The following NPAS3 variants were observed in gnomAD, a reference collection of about 807,000 sequenced individuals.
NPAS3 encodes the protein neuronal PAS domain-containing protein 3.
In NPAS3, 14 loss-of-function variants were observed where a neutral mutation model predicts 73.1. The observed-to-expected ratio is 0.19, with a 90% CI of 0.13 to 0.30. The LOEUF (loss-of-function observed/expected upper bound fraction) is 0.30, where lower values mean the gene tolerates loss of function less well. Among genes scored for constraint, NPAS3 ranks in the 10% least tolerant of loss-of-function variants. NPAS3 has a pLI of 1.00. For missense variants in NPAS3, 1,096 were observed against 1,250.0 expected (o/e 0.88, Z 1.86); for synonymous variants, 620 against 541.5 (o/e 1.14, Z -2.01).
intron 3 of NPAS3, among the ~76,000 whole-genome samples, chr14:33,358,249 G>T (rs1014510695): frequency 5.3e-5 from 8 of 152,162 alleles, no homozygotes; most frequent in Admixed American, 2.0e-4. Context: ...GGTGGAGGGG[G>T]AGAGAGAATT....
At chr14:33,743,096 C>T (rs1315408221) in intron 7 of NPAS3, among the ~76,000 whole-genome samples, 3 of 151,940 alleles carry the variant, frequency 2.0e-5, no homozygotes, top group African/African-American at 7.3e-5. Context: ...TTCATGTGAC[C>T]TCTTCCCATG....
chr14:33,159,897 AG>A (rs1321495401), intron 2 of NPAS3, among the ~76,000 whole-genome samples: 2 of 152,218 alleles, frequency 1.3e-5, no homozygotes, highest in African/African-American at 4.8e-5. Context: ...AACACCCGTA[AG>A]AAAAATTTTT....
chr14:33,244,604 C>T (rs1191492196), intron 3 of NPAS3, among the ~76,000 whole-genome samples: 1 of 151,898 alleles, frequency 6.6e-6, no homozygotes, highest in Non-Finnish European at 1.5e-5. Flanking sequence ...ATATTATTTT[C>T]ATTTTACAGA....
intron 1 of NPAS3, among the ~76,000 whole-genome samples, chr14:32,995,999 G>A (rs1462650921): frequency 6.6e-6 from 1 of 152,170 alleles, no homozygotes; most frequent in South Asian, 2.1e-4. Context: ...ACTTCCTAGA[G>A]ACTTGTTAAA....
intron 1 of NPAS3, among the ~76,000 whole-genome samples, chr14:32,942,087 C>A (rs559735173): frequency 3.1e-4 from 47 of 152,220 alleles, no homozygotes; most frequent in African/African-American, 1.1e-3. Context: ...CAAGTATTTC[C>A]TTGTAGCAGT....
intron 3 of NPAS3, among the ~76,000 whole-genome samples, chr14:33,334,812 A>G (rs1346016433): frequency 6.6e-6 from 1 of 152,086 alleles, no homozygotes; most frequent in Non-Finnish European, 1.5e-5. Context: ...AAAGTGTAGT[A>G]TTTTATCCCT....
chr14:33,089,151 A>G (rs1566548463), intron 2 of NPAS3, among the ~76,000 whole-genome samples: 1 of 152,372 alleles, frequency 6.6e-6, no homozygotes, highest in East Asian at 1.9e-4. Context: ...TGGACGGAGA[A>G]TATCTTTGAC....
At chr14:33,676,245 T>C in exon 6 of NPAS3, 1 of 1,613,980 alleles carries the variant, frequency 6.2e-7, no homozygotes, top group Non-Finnish European at 8.5e-7. Flanking sequence ...TTTGACTATG[T>C]CCACCCCGGA....
chr14:33,293,301 T>C (rs968717735), intron 3 of NPAS3, among the ~76,000 whole-genome samples: 2 of 152,182 alleles, frequency 1.3e-5, no homozygotes, highest in Non-Finnish European at 2.9e-5. Flanking sequence ...ACTTAATTTA[T>C]AAGCAGAAAA....
At chr14:33,688,609 C>T (rs907197190) in intron 6 of NPAS3, among the ~76,000 whole-genome samples, 18 of 152,108 alleles carry the variant, frequency 1.2e-4, no homozygotes, top group Non-Finnish European at 2.4e-4. Context: ...CTCATCAGAC[C>T]TCAGGGTGTA....
chr14:33,544,075 GA>G (rs1315020293), intron 4 of NPAS3, among the ~76,000 whole-genome samples: 2 of 148,640 alleles, frequency 1.3e-5, no homozygotes. Flanking sequence ...GTCTGGCACA[GA>G]GACCACCTCC....
intron 7 of NPAS3, among the ~76,000 whole-genome samples, chr14:33,773,417 A>G (rs8012381): frequency 0.81 from 122,810 of 152,124 alleles, 50,012 homozygotes; most frequent in East Asian, 0.94. Context: ...GTGCACGCAC[A>G]CCCCCACCCA....
chr14:33,344,536 A>G (rs1245337394), intron 3 of NPAS3, among the ~76,000 whole-genome samples: 3 of 152,248 alleles, frequency 2.0e-5, no homozygotes, highest in Non-Finnish European at 1.5e-5. Flanking sequence ...CTTAACACCA[A>G]CTGAGTCTCT....
rs770391901 is a variant in NPAS3, at chr14:33,672,815, T to C, written c.559-3396T>C. Among the ~76,000 whole-genome samples, 129 of 152,300 alleles carry C rather than the reference T, an allele frequency of 8.5e-4. 2 individuals carry two copies. The highest frequency in any genetic ancestry group is 3.4e-3 in the Middle Eastern group (1 of 292). On this transcript the variant is annotated intron_variant, in intron 5 of 11. Coordinates refer to ENST00000356141, the Ensembl canonical transcript of NPAS3. ...CTAAACAGCTGGGTAAACTTGAACATGCATTTTAACTTCTCGGGACTGTAG... is the reference window on the plus strand; with the variant it reads ...CTAAACAGCTGGGTAAACTTGAACACGCATTTTAACTTCTCGGGACTGTAG...
chr14:33,215,050 T>G (rs1389974523), intron 2 of NPAS3, 132 bp from the exon 3 acceptor site: 5 of 911,364 alleles, frequency 5.5e-6, no homozygotes, highest in African/African-American at 5.0e-5. Context: ...CTCATTTTAC[T>G]GTCACTCTCT....
chr14:33,313,779 T>C (rs2043098534), intron 3 of NPAS3, among the ~76,000 whole-genome samples: 3 of 152,110 alleles, frequency 2.0e-5, no homozygotes, highest in Admixed American at 2.0e-4. Context: ...GGAAGTATCA[T>C]ACCAGAGAAT....
intron 5 of NPAS3, among the ~76,000 whole-genome samples, chr14:33,612,198 C>T (rs1488246482): frequency 6.6e-6 from 1 of 152,100 alleles, no homozygotes; most frequent in Admixed American, 6.5e-5. Flanking sequence ...GTCAGAAGGC[C>T]CCTGCCGGGG....
At chr14:33,706,827 A>C (rs1337773114) in intron 6 of NPAS3, among the ~76,000 whole-genome samples, 3 of 152,192 alleles carry the variant, frequency 2.0e-5, no homozygotes, top group African/African-American at 7.2e-5. Context: ...GCTGATTCAG[A>C]GCCTCCCCTG....
chr14:33,759,972 T>C (rs1418844601), intron 7 of NPAS3, among the ~76,000 whole-genome samples: 1 of 152,228 alleles, frequency 6.6e-6, no homozygotes, highest in Admixed American at 6.5e-5. Flanking sequence ...ACTTCCTTAG[T>C]ACACTTAAAT....
Sources: allele counts gnomAD v4.1 joint callset (sites outside exome capture counted in the v4.1 genomes callset), GRCh38; gene constraint gnomAD v4.1.1; transcripts MANE v1.5; gene names NCBI Gene and HGNC (gene_info 2026-07-23, HGNC 2026-07-21).